PTK2: variants seen among roughly 807,000 people sequenced by gnomAD.
The protein encoded by PTK2 is protein tyrosine kinase 2, also known as focal adhesion kinase 1.
Under a neutral mutation model 150.1 loss-of-function variants are expected in PTK2, and 45 were observed. That is an observed-to-expected ratio of 0.30 (90% CI 0.24 to 0.38). The LOEUF is 0.38. Among genes scored for constraint, PTK2 ranks in the 10% least tolerant of loss-of-function variants. PTK2 has a pLI of 1.00. For missense variants in PTK2, 919 were observed against 1,307.3 expected (o/e 0.70, Z 4.58); for synonymous variants, 432 against 449.2 (o/e 0.96, Z 0.48).
At chr8:140,831,518 G>C (rs148023466) in intron 7 of PTK2, among the ~76,000 whole-genome samples, 40 of 152,286 alleles carry the variant, frequency 2.6e-4, no homozygotes, top group African/African-American at 9.6e-4. Context: ...CAGTTTATTT[G>C]GTTGATACTA....
chr8:140,825,838 A>C (rs2100111461), intron 8 of PTK2, among the ~76,000 whole-genome samples: 1 of 152,222 alleles, frequency 6.6e-6, no homozygotes, highest in Admixed American at 6.5e-5. Context: ...AATTCTGTAG[A>C]ATGTCCCTCA....
At chr8:140,800,969 C>G (rs2100094695) in intron 11 of PTK2, among the ~76,000 whole-genome samples, 1 of 152,206 alleles carries the variant, frequency 6.6e-6, no homozygotes, top group South Asian at 2.1e-4. Flanking sequence ...AACCATCCAT[C>G]ATAATTTCTA....
intron 23 of PTK2, among the ~76,000 whole-genome samples, chr8:140,714,148 A>C (rs1256596128): frequency 6.6e-6 from 1 of 152,202 alleles, no homozygotes; most frequent in Non-Finnish European, 1.5e-5. Flanking sequence ...TCAGTCTCCC[A>C]AAGCACCGCA....
intron 9 of PTK2, 26 bp from the exon 10 acceptor site, chr8:140,818,380 C>T: frequency 1.3e-6 from 2 of 1,579,056 alleles, no homozygotes; most frequent in Non-Finnish European, 8.7e-7. Context: ...CAAGTGAGAA[C>T]AGAGGTGGCA....
chr8:140,672,920 G>A (rs1464741218), intron 29 of PTK2, among the ~76,000 whole-genome samples: 1 of 152,188 alleles, frequency 6.6e-6, no homozygotes, highest in Non-Finnish European at 1.5e-5. Flanking sequence ...GGTCAACTGA[G>A]AAATGATACC....
intron 23 of PTK2, among the ~76,000 whole-genome samples, chr8:140,711,315 C>T (rs1194587531): frequency 6.6e-6 from 1 of 152,172 alleles, no homozygotes; most frequent in Non-Finnish European, 1.5e-5. Context: ...CCATGTTGCC[C>T]AGGCTGGTCT....
At chr8:140,768,689 G>A (rs2100073823) in intron 14 of PTK2, among the ~76,000 whole-genome samples, 1 of 152,182 alleles carries the variant, frequency 6.6e-6, no homozygotes, top group African/African-American at 2.4e-5. Context: ...TAGGAATCAA[G>A]TCAGTAAAGT....
chr8:140,924,371 T>C (rs934399317), intron 2 of PTK2, among the ~76,000 whole-genome samples: 5 of 152,144 alleles, frequency 3.3e-5, no homozygotes, highest in Non-Finnish European at 7.4e-5. Flanking sequence ...ACCTCATGAT[T>C]TACTTCAACA....
At chr8:140,985,351 C>G (rs2100192928) in intron 1 of PTK2, among the ~76,000 whole-genome samples, 1 of 152,076 alleles carries the variant, frequency 6.6e-6, no homozygotes, top group African/African-American at 2.4e-5. Context: ...TCTCAAACTC[C>G]TAGACTCAAG....
intron 29 of PTK2, 63 bp downstream of exon 33, chr8:140,669,664 C>T: frequency 6.6e-7 from 1 of 1,506,290 alleles, no homozygotes; most frequent in Non-Finnish European, 8.9e-7. Flanking sequence ...TCCAAAGTTA[C>T]ATGCAGAGAG....
At chr8:140,870,130 C>A (rs1270594494) in intron 4 of PTK2, among the ~76,000 whole-genome samples, 2 of 151,994 alleles carry the variant, frequency 1.3e-5, no homozygotes, top group Non-Finnish European at 2.9e-5. Context: ...TACTAAGGCA[C>A]AAAGAATCAT....
At chr8:140,705,983 T>C (rs1387913754) in intron 24 of PTK2, 136 bp downstream of exon 27, 2 of 634,364 alleles carry the variant, frequency 3.2e-6, no homozygotes, top group East Asian at 5.6e-5. Context: ...ATGATTAGGG[T>C]AACCACTTTC....
chr8:140,735,256 C>T, exon 22 of PTK2: 1 of 1,613,776 alleles, frequency 6.2e-7, no homozygotes, highest in South Asian at 1.1e-5. Flanking sequence ...CCTACCTGAG[C>T]TGAGCTTTAA....
intron 21 of PTK2, among the ~76,000 whole-genome samples, chr8:140,737,271 T>G (rs987480132): frequency 6.6e-6 from 1 of 152,128 alleles, no homozygotes; most frequent in Non-Finnish European, 1.5e-5. Flanking sequence ...ACCAGCTAAT[T>G]TTTGTATTTT....
chr8:140,782,404 C>G (rs945651721), intron 14 of PTK2, among the ~76,000 whole-genome samples: 1 of 151,952 alleles, frequency 6.6e-6, no homozygotes, highest in African/African-American at 2.4e-5. Flanking sequence ...GCCTCCACGC[C>G]TGGCTACAGT....
chr8:140,726,737 G>A (rs1455357758), intron 22 of PTK2, among the ~76,000 whole-genome samples: 1 of 152,064 alleles, frequency 6.6e-6, no homozygotes, highest in Non-Finnish European at 1.5e-5. Context: ...CACAAGAAAT[G>A]CTAAAAAAAA....
intron 4 of PTK2, 58 bp from the exon 5 acceptor site, chr8:140,864,457 T>C: frequency 3.0e-6 from 3 of 1,003,076 alleles, no homozygotes; most frequent in Non-Finnish European, 4.5e-6. Context: ...CAATTTACAG[T>C]CTACAATTAT....
chr8:140,989,212 TAAAAAAAAA>T (rs71310816), intron 1 of PTK2, among the ~76,000 whole-genome samples: 2 of 60,580 alleles, frequency 3.3e-5, no homozygotes, highest in African/African-American at 1.3e-4. Context: ...ACCCTGTCTC[TAAAAAAAAA>T]AAAAAAAAAA....
intron 5 of PTK2, among the ~76,000 whole-genome samples, chr8:140,858,467 C>T (rs910469025): frequency 2.7e-5 from 4 of 150,550 alleles, no homozygotes; most frequent in African/African-American, 2.4e-5. Context: ...AGAAAATCCA[C>T]GACTCGTTTG....
Sources: allele counts gnomAD v4.1 joint callset (sites outside exome capture counted in the v4.1 genomes callset), GRCh38; gene constraint gnomAD v4.1.1; transcripts MANE v1.5; gene names NCBI Gene and HGNC (gene_info 2026-07-23, HGNC 2026-07-21).